Variants in PTPRD observed in about 807,000 individuals in gnomAD.
The protein encoded by PTPRD is receptor-type tyrosine-protein phosphatase delta.
In PTPRD, 34 loss-of-function variants were observed where a neutral mutation model predicts 214.5. That is an observed-to-expected ratio of 0.16 (90% CI 0.12 to 0.21). The LOEUF is 0.21. PTPRD is among the 10% of genes least tolerant of loss of function. PTPRD has a pLI of 1.00. For synonymous variants in PTPRD, 1,128 were observed against 845.7 expected (o/e 1.33, Z -5.79); for missense variants, 2,545 against 2,398.7 (o/e 1.06, Z -1.27).
At chr9:9,462,491 T>C (rs1051108390) in intron 8 of PTPRD, among the ~76,000 whole-genome samples, 2 of 152,170 alleles carry the variant, frequency 1.3e-5, no homozygotes, top group African/African-American at 4.8e-5. Context: ...AAAATTATTT[T>C]AGATTTAATA....
intron 7 of PTPRD, among the ~76,000 whole-genome samples, chr9:9,622,902 A>G (rs2095294761): frequency 6.6e-6 from 1 of 152,168 alleles, no homozygotes; most frequent in East Asian, 1.9e-4. Context: ...GAATGCCATG[A>G]GTATACAGCC....
rs2094107695 is a variant in PTPRD, at chr9:8,418,350, C to T, written c.4087-13690G>A. Among the ~76,000 whole-genome samples, 4 of 152,012 alleles carry T rather than the reference C, an allele frequency of 2.6e-5. 1 individual carries two copies. In the South Asian group the frequency reaches 8.3e-4, roughly 32 times the overall value. On this transcript the variant is annotated intron_variant, in intron 35 of 45. Coordinates refer to ENST00000381196, the MANE Select transcript of PTPRD (RefSeq NM_002839.4). ...CCATGTGTGCCACTATCATGTGTTA[C>T]AGACTGGAGCATCCATTTGGCAACT...
chr9:8,671,741 C>G (rs568234111), intron 12 of PTPRD, among the ~76,000 whole-genome samples: 1 of 152,268 alleles, frequency 6.6e-6, no homozygotes, highest in South Asian at 2.1e-4. Context: ...GAAGAGACTG[C>G]TGCATCAAAA....
intron 11 of PTPRD, among the ~76,000 whole-genome samples, chr9:9,005,512 A>G (rs2099458545): frequency 6.6e-6 from 1 of 152,042 alleles, no homozygotes; most frequent in Non-Finnish European, 1.5e-5. Context: ...TGCATCCTGA[A>G]TGAACCACCC....
At chr9:10,189,105 A>T (rs1009598629) in intron 3 of PTPRD, among the ~76,000 whole-genome samples, 2 of 151,822 alleles carry the variant, frequency 1.3e-5, no homozygotes, top group African/African-American at 4.8e-5. Flanking sequence ...CATTGTGAGG[A>T]TGTGCTGCAG....
intron 2 of PTPRD, among the ~76,000 whole-genome samples, chr9:10,463,533 A>T (rs1206944699): frequency 6.6e-6 from 1 of 152,186 alleles, no homozygotes; most frequent in Non-Finnish European, 1.5e-5. Context: ...AACTTTTCAA[A>T]ACTACAAAAA....
chr9:10,023,477 AT>A (rs1375315598), intron 4 of PTPRD, among the ~76,000 whole-genome samples: 3 of 152,178 alleles, frequency 2.0e-5, no homozygotes, highest in African/African-American at 7.2e-5. Context: ...AAAGTTCTAC[AT>A]CTTTTCTGTA....
intron 7 of PTPRD, among the ~76,000 whole-genome samples, chr9:9,630,065 G>C (rs531338406): frequency 9.2e-5 from 14 of 152,288 alleles, no homozygotes; most frequent in African/African-American, 2.6e-4. Context: ...GGAGGACACA[G>C]GTTTTCTGGG....
chr9:9,386,503 C>G (rs2063919195), intron 9 of PTPRD, among the ~76,000 whole-genome samples: 1 of 152,072 alleles, frequency 6.6e-6, no homozygotes, highest in Non-Finnish European at 1.5e-5. Context: ...TGGTGAGACT[C>G]TTGGTAATGA....
At chr9:9,137,692 T>G (rs2099853110) in intron 10 of PTPRD, among the ~76,000 whole-genome samples, 1 of 152,146 alleles carries the variant, frequency 6.6e-6, no homozygotes, top group African/African-American at 2.4e-5. Context: ...CAAATCAAAA[T>G]TAATCATTAC....
intron 12 of PTPRD, among the ~76,000 whole-genome samples, chr9:8,718,386 C>T (rs1465295488): frequency 1.3e-5 from 2 of 152,232 alleles, no homozygotes; most frequent in East Asian, 3.9e-4. Context: ...CCTCTCACTC[C>T]AAATCACAAC....
At chr9:9,286,315 C>A (rs1295108406) in intron 9 of PTPRD, among the ~76,000 whole-genome samples, 1 of 151,742 alleles carries the variant, frequency 6.6e-6, no homozygotes, top group African/African-American at 2.4e-5. Context: ...CAGATGAGTC[C>A]CAGCAGGGCT....
At chr9:8,995,308 C>A (rs1243535118) in intron 11 of PTPRD, among the ~76,000 whole-genome samples, 1 of 151,948 alleles carries the variant, frequency 6.6e-6, no homozygotes, top group Non-Finnish European at 1.5e-5. Flanking sequence ...TACACATTGA[C>A]CTATTCACAA....
At chr9:10,305,504 T>A (rs1417316136) in intron 3 of PTPRD, among the ~76,000 whole-genome samples, 1 of 150,622 alleles carries the variant, frequency 6.6e-6, no homozygotes, top group Non-Finnish European at 1.5e-5. Context: ...TGGGAGAAAA[T>A]TTTGGCAGTC....
At chr9:8,495,207 A>G (rs2097236390) in intron 26 of PTPRD, among the ~76,000 whole-genome samples, 1 of 152,194 alleles carries the variant, frequency 6.6e-6, no homozygotes, top group South Asian at 2.1e-4. Context: ...CAAATGAACT[A>G]AAACTTAAAA....
intron 2 of PTPRD, among the ~76,000 whole-genome samples, chr9:10,510,602 T>C (rs1232206350): frequency 6.6e-6 from 1 of 152,152 alleles, no homozygotes; most frequent in Non-Finnish European, 1.5e-5. Flanking sequence ...TTTGTACACA[T>C]TTATGGAGTA....
At chr9:10,333,818 T>C (rs1384324704) in intron 3 of PTPRD, among the ~76,000 whole-genome samples, 1 of 151,810 alleles carries the variant, frequency 6.6e-6, no homozygotes, top group Non-Finnish European at 1.5e-5. Flanking sequence ...CTAGGATTGT[T>C]GTGGAATTAG....
At chr9:9,888,440 G>C (rs1045591339) in intron 5 of PTPRD, among the ~76,000 whole-genome samples, 1 of 152,144 alleles carries the variant, frequency 6.6e-6, no homozygotes. Context: ...CATCTTCAGT[G>C]TTGGAGGTGG....
chr9:9,130,972 C>T (rs544149746), intron 10 of PTPRD, among the ~76,000 whole-genome samples: 2 of 151,984 alleles, frequency 1.3e-5, no homozygotes, highest in East Asian at 3.9e-4. Context: ...TTTCCTGGTA[C>T]AAATTTTAAT....
Sources: gnomAD v4.1 joint callset for allele counts (sites outside exome capture counted in the v4.1 genomes callset) on GRCh38, gnomAD v4.1.1 for gene constraint, MANE v1.5 for transcripts, NCBI Gene and HGNC (gene_info 2026-07-23, HGNC 2026-07-21) for gene names.